The following DSCAM variants were observed in gnomAD, a reference collection of about 807,000 sequenced individuals.
The protein encoded by DSCAM is cell adhesion molecule DSCAM.
Under a neutral mutation model 217.7 loss-of-function variants are expected in DSCAM, and 47 were observed. That is an observed-to-expected ratio of 0.22 (90% confidence interval 0.17 to 0.28). DSCAM has a LOEUF of 0.28. DSCAM is among the 10% of genes least tolerant of loss of function. The pLI, the probability that DSCAM is intolerant of heterozygous loss-of-function variation, is 1.00. For missense variants in DSCAM, 2,080 were observed against 2,618.3 expected, an observed-to-expected ratio of 0.79 and a Z score of 4.49; for synonymous variants, 1,056 against 1,015.3, an observed-to-expected ratio of 1.04 and a Z score of -0.76.
intron 11 of DSCAM, among the ~76,000 whole-genome samples, chr21:40,267,684 G>T (rs1476106511): frequency 6.6e-6 from 1 of 152,086 alleles, no homozygotes; most frequent in African/African-American, 2.4e-5. Flanking sequence ...ATCACTTGAG[G>T]TCAGGAGTTT....
chr21:40,352,995 T>C (rs942873068), intron 5 of DSCAM, among the ~76,000 whole-genome samples: 19 of 152,182 alleles, frequency 1.2e-4, no homozygotes, highest in African/African-American at 4.6e-4. Context: ...AGCCCCGTAC[T>C]TTGGGTGATA....
At chr21:40,216,415 A>G (rs2091244034) in intron 11 of DSCAM, among the ~76,000 whole-genome samples, 1 of 152,206 alleles carries the variant, frequency 6.6e-6, no homozygotes, top group Middle Eastern at 3.4e-3. Flanking sequence ...CACCCAGCCA[A>G]TGATCCATTT....
At chr21:40,286,851 T>TGTG (rs139977303) in intron 10 of DSCAM, among the ~76,000 whole-genome samples, 145,497 of 149,994 alleles carry the variant, frequency 0.97, 70,500 homozygotes, top group Non-Finnish European at 0.98. Context: ...GATCTGCAGG[T>TGTG]ATCTGCAGTG....
intron 11 of DSCAM, among the ~76,000 whole-genome samples, chr21:40,191,100 G>A (rs180987806): frequency 2.6e-5 from 4 of 152,226 alleles, no homozygotes; most frequent in Admixed American, 1.3e-4. Flanking sequence ...GACTTCCAAG[G>A]TACTTGACCA....
At chr21:40,205,754 T>C (rs1450351481) in intron 11 of DSCAM, among the ~76,000 whole-genome samples, 1 of 152,116 alleles carries the variant, frequency 6.6e-6, no homozygotes, top group African/African-American at 2.4e-5. Context: ...CCTCGGTGAA[T>C]ATTATATTGT....
chr21:40,471,300 A>AG (rs1195063714), intron 3 of DSCAM, among the ~76,000 whole-genome samples: 1 of 152,180 alleles, frequency 6.6e-6, no homozygotes, highest in African/African-American at 2.4e-5. Flanking sequence ...GGAAGGAAGC[A>AG]GGGGGAAGTG....
intron 11 of DSCAM, among the ~76,000 whole-genome samples, chr21:40,240,172 T>C (rs1385841863): frequency 6.6e-6 from 1 of 152,096 alleles, no homozygotes; most frequent in Non-Finnish European, 1.5e-5. Context: ...AGCACCGATC[T>C]ATACAACCAC....
At chr21:40,539,942 A>G (rs1020114271) in intron 3 of DSCAM, among the ~76,000 whole-genome samples, 2 of 152,320 alleles carry the variant, frequency 1.3e-5, no homozygotes, top group East Asian at 3.9e-4. Flanking sequence ...CCTAGATGCT[A>G]TGGAAAAATA....
intron 3 of DSCAM, among the ~76,000 whole-genome samples, chr21:40,448,509 C>T (rs1390411165): frequency 6.6e-6 from 1 of 152,094 alleles, no homozygotes; most frequent in African/African-American, 2.4e-5. Flanking sequence ...TGACTCGCAC[C>T]ACCAGCTTTC....
chr21:40,164,053 C>T (rs937289427), intron 16 of DSCAM, among the ~76,000 whole-genome samples: 2 of 152,182 alleles, frequency 1.3e-5, no homozygotes, highest in African/African-American at 4.8e-5. Flanking sequence ...CATGAGGGAT[C>T]AGAACTGAGT....
chr21:40,535,570 T>G (rs2076489205), intron 3 of DSCAM, among the ~76,000 whole-genome samples: 1 of 152,228 alleles, frequency 6.6e-6, no homozygotes, highest in Non-Finnish European at 1.5e-5. Context: ...AGCACATTTT[T>G]CAAAAATATA....
intron 19 of DSCAM, among the ~76,000 whole-genome samples, chr21:40,130,541 G>T (rs1307995624): frequency 6.6e-6 from 1 of 152,178 alleles, no homozygotes; most frequent in African/African-American, 2.4e-5. Flanking sequence ...ATGTACCTGA[G>T]ACTCTATTTA....
rs76137892 is a variant in DSCAM, at chr21:40,639,553, T to C, written c.508+53257A>G. Among the ~76,000 whole-genome samples the C allele has an allele frequency of 4.6e-3, 694 of 152,334 alleles. 18 individuals are homozygous for C. In the East Asian group the frequency reaches 0.079, roughly 17 times the overall value. ...AATGTGAATAACAAATCAGTACATATAGAATGAACATACAATGAGCACAAG... is the reference window on the plus strand; with the variant it reads ...AATGTGAATAACAAATCAGTACATACAGAATGAACATACAATGAGCACAAG... On this transcript the variant is annotated intron_variant, in intron 3 of 32. Transcript: ENST00000400454.
intron 20 of DSCAM, among the ~76,000 whole-genome samples, chr21:40,099,335 A>C (rs2089721525): frequency 6.6e-6 from 1 of 152,200 alleles, no homozygotes; most frequent in African/African-American, 2.4e-5. Context: ...TAGAAGACTA[A>C]TCAAGAATTG....
chr21:40,389,743 A>G (rs1193236431), intron 3 of DSCAM, among the ~76,000 whole-genome samples: 1 of 152,176 alleles, frequency 6.6e-6, no homozygotes, highest in African/African-American at 2.4e-5. Flanking sequence ...AGAAATCTTC[A>G]TGTACACTGG....
chr21:40,137,724 G>A (rs980860677), intron 18 of DSCAM, among the ~76,000 whole-genome samples: 6 of 151,690 alleles, frequency 4.0e-5, no homozygotes, highest in Non-Finnish European at 8.8e-5. Context: ...TTAGAAATCA[G>A]ATTTTTTCTA....
rs1032242761 is a variant in DSCAM, at chr21:40,318,791, A to G, written c.1784-6432T>C. ...AGAAACCAGAGGCTGCGTGGGTCAC[A>G]TCAACTTAGATTCCATTAGTTTCCC... On this transcript the variant is annotated intron_variant, in intron 8 of 32. Coordinates refer to ENST00000400454, the MANE Select transcript of DSCAM (RefSeq NM_001389.5). Among the ~76,000 whole-genome samples the G allele has an allele frequency of 1.8e-4, 28 of 152,216 alleles. 1 individual carries two copies. Among genetic ancestry groups the G allele is most frequent in the Non-Finnish European group, 3.7e-4 (25 of 68,044 alleles).
Position 40,133,914 on chromosome 21 carries a change from A to G in DSCAM, c.3502T>C (p.Phe1168Leu). ...CTGACCCCGTCTCCTGCGCGGGTGA[A>G]GGCCAGCACCTGGATGCTGTAGTTG... ...YTNYSIQVLA[F>L]TRAGDGVRSE... is the part of the protein sequence containing the mutation. The change falls in exon 19 of 33, where the codon TTC becomes CTC. Residue 1168 changes from phenylalanine (F) to leucine (L), a missense_variant. Transcript: ENST00000400454. 2 of 1,613,678 alleles carry G rather than the reference A, an allele frequency of 1.2e-6. No homozygotes were observed. Among genetic ancestry groups the G allele is most frequent in the Non-Finnish European group, 1.7e-6 (2 of 1,179,810 alleles).
intron 18 of DSCAM, 46 bp downstream of exon 18, chr21:40,142,512 T>C (rs775007726): frequency 6.2e-7 from 1 of 1,607,526 alleles, no homozygotes; most frequent in South Asian, 1.1e-5. Flanking sequence ...AATTCCATCA[T>C]GCATTCTCTG....
Sources: gnomAD v4.1 joint callset for allele counts (sites outside exome capture counted in the v4.1 genomes callset) on GRCh38, gnomAD v4.1.1 for gene constraint, MANE v1.5 for transcripts, NCBI Gene and HGNC (gene_info 2026-07-23, HGNC 2026-07-21) for gene names.